Variants in PTPRC observed in about 807,000 individuals in gnomAD.
PTPRC encodes protein tyrosine phosphatase receptor type C.
PTPRC carries 44 observed loss-of-function variants against 155.9 expected under a neutral mutation model. That is an observed-to-expected ratio of 0.28 (90% CI 0.22 to 0.36). PTPRC has a LOEUF of 0.36. Ranked by LOEUF, PTPRC falls within the 10% of genes least tolerant of loss-of-function variation. PTPRC has a pLI of 1.00. For missense variants in PTPRC, 1,401 were observed against 1,564.6 expected (o/e 0.90, Z 1.76); for synonymous variants, 525 against 533.1 (o/e 0.98, Z 0.21).
chr1:198,652,640 A>G, intron 2 of PTPRC, among the ~76,000 whole-genome samples: 1 of 151,512 alleles, frequency 6.6e-6, no homozygotes, highest in Admixed American at 6.6e-5. Context: ...TAGGTAAAAG[A>G]GGAATCAGCA....
chr1:198,659,187 TAAG>T (rs914955204), intron 2 of PTPRC, among the ~76,000 whole-genome samples: 2 of 152,188 alleles, frequency 1.3e-5, no homozygotes, highest in Non-Finnish European at 2.9e-5. Context: ...ACCTGGTCTC[TAAG>T]AAGGAGACAC....
chr1:198,731,591 G>A (rs766996326), intron 17 of PTPRC, 26 bp from the exon 18 acceptor site: 9 of 1,514,430 alleles, frequency 5.9e-6, no homozygotes, highest in Non-Finnish European at 7.3e-6. Flanking sequence ...CATGTAACTA[G>A]TATTGAATCT....
At position 198,734,244 on chromosome 1, in the gene PTPRC, G is replaced by C. The variant is rs769246973; in HGVS notation, c.2179+12G>C. The C allele has an allele frequency of 1.2e-6, 2 of 1,610,780 alleles. No individual in the cohort carries two copies. The highest frequency in any genetic ancestry group is 2.2e-5 in the South Asian group (2 of 90,926). On this transcript the variant is annotated intron_variant, in intron 21 of 32. Transcript: ENST00000442510. ...CATTGCTGCACAAGGTAATTTCTTT[G>C]ATAATCCAATATTCTTTTTGAAAAA...
At chr1:198,701,344 A>G (rs1322894375) in intron 5 of PTPRC, among the ~76,000 whole-genome samples, 1 of 152,226 alleles carries the variant, frequency 6.6e-6, no homozygotes, top group East Asian at 1.9e-4. Context: ...CAGAACGTGC[A>G]TGCATGTATC....
chr1:198,642,709 A>T (rs912134642), intron 2 of PTPRC, among the ~76,000 whole-genome samples: 2 of 151,890 alleles, frequency 1.3e-5, no homozygotes, highest in South Asian at 4.2e-4. Flanking sequence ...TAGTTTTTTT[A>T]ATCAGTCTGA....
chr1:198,731,580 A>G (rs1654388803), intron 17 of PTPRC, 37 bp from the exon 18 acceptor site: 1 of 1,462,938 alleles, frequency 6.8e-7, no homozygotes, highest in Non-Finnish European at 9.6e-7. Context: ...CCTGAAAGAC[A>G]CATGTAACTA....
At chr1:198,748,854 T>G (rs1306299348) in intron 27 of PTPRC, among the ~76,000 whole-genome samples, 1 of 151,776 alleles carries the variant, frequency 6.6e-6, no homozygotes, top group African/African-American at 2.4e-5. Flanking sequence ...CTAGTTAATT[T>G]TCATAGGAGT....
At chr1:198,694,053 A>G (rs2102374944) in intron 3 of PTPRC, 3 of 1,549,336 alleles carry the variant, frequency 1.9e-6, no homozygotes, top group South Asian at 1.2e-5. Flanking sequence ...AAGCCAATCC[A>G]AGTCACCAAA....
chr1:198,687,153 C>G (rs1001074001), intron 2 of PTPRC, among the ~76,000 whole-genome samples: 1 of 152,046 alleles, frequency 6.6e-6, no homozygotes, highest in South Asian at 2.1e-4. Context: ...CCACCCTACC[C>G]GGATAATTTT....
chr1:198,720,332 T>A (rs112690338), intron 14 of PTPRC, among the ~76,000 whole-genome samples: 1,553 of 152,178 alleles, frequency 0.01, 27 homozygotes, highest in African/African-American at 0.036. Context: ...TTTAAAAAAA[T>A]TTTATTATTA....
chr1:198,731,564 T>C, intron 17 of PTPRC, 53 bp from the exon 18 acceptor site: 1 of 1,328,850 alleles, frequency 7.5e-7, no homozygotes. Context: ...GAAATGTGTA[T>C]GCCCACCTGA....
At chr1:198,686,926 A>G (rs1665655490) in intron 2 of PTPRC, among the ~76,000 whole-genome samples, 1 of 152,228 alleles carries the variant, frequency 6.6e-6, no homozygotes, top group South Asian at 2.1e-4. Flanking sequence ...GCACAGTAAT[A>G]TTTAACCATA....
At chr1:198,739,852 T>TAAAA (rs141418006) in intron 23 of PTPRC, among the ~76,000 whole-genome samples, 2,023 of 151,318 alleles carry the variant, frequency 0.013, 40 homozygotes, top group African/African-American at 0.046. Context: ...CTTACAAAAT[T>TAAAA]AAAAAAAAAT....
chr1:198,756,305 A>C lies in PTPRC; in HGVS notation c.*124A>C, dbSNP rs1655658620. On this transcript the variant is annotated 3_prime_UTR_variant, in exon 33 of 33. Transcript: ENST00000442510. Reference sequence around the variant, plus strand: ...AATGCAGCGAACCAATATTTGTAGAAGGGTTATATTTTACTACTGTGGAAA... The same window carrying C: ...AATGCAGCGAACCAATATTTGTAGACGGGTTATATTTTACTACTGTGGAAA... 1 of 1,277,090 alleles carries C rather than the reference A, an allele frequency of 7.8e-7. No homozygotes were observed. Among genetic ancestry groups the C allele is most frequent in the Non-Finnish European group, 1.1e-6 (1 of 911,380 alleles). The allele number at this position is 1,277,090 out of a possible 1,614,324, so 79.1% of individuals were successfully genotyped here. A position where few individuals can be genotyped will look rare whatever the true frequency, so the allele number is the denominator to read the frequency against.
rs1300050742 is a variant in PTPRC, at chr1:198,692,544, A to T, written c.100+171A>T. ...CTTAAACTTTCTGCTTATACGTTATAGAGTTTAATAACTACCTAAACATGT... is the reference window on the plus strand; with the variant it reads ...CTTAAACTTTCTGCTTATACGTTATTGAGTTTAATAACTACCTAAACATGT... On this transcript the variant is annotated intron_variant, in intron 3 of 32. Transcript: ENST00000442510. The T allele has an allele frequency of 3.7e-6, 4 of 1,082,082 alleles. No individual in the cohort carries two copies. In the East Asian group the frequency reaches 1.0e-4, roughly 27 times the overall value. 67.0% of individuals were successfully genotyped at this position (1,082,082 alleles called of 1,614,324 possible).
chr1:198,702,323 T>C, intron 5 of PTPRC, 64 bp from the exon 6 acceptor site: 1 of 1,604,014 alleles, frequency 6.2e-7, no homozygotes, highest in South Asian at 1.1e-5. Context: ...TTATGTTGGC[T>C]ATCTGGCTAT....
At chr1:198,702,200 C>G (rs1666491958) in intron 5 of PTPRC, among the ~76,000 whole-genome samples, 187 bp from the exon 6 acceptor site, 1 of 152,210 alleles carries the variant, frequency 6.6e-6, no homozygotes, top group African/African-American at 2.4e-5. Flanking sequence ...CCCCTAAATG[C>G]ATCTTTCCCA....
intron 29 of PTPRC, among the ~76,000 whole-genome samples, chr1:198,750,841 G>T (rs1437647716): frequency 6.6e-6 from 1 of 151,908 alleles, no homozygotes; most frequent in Non-Finnish European, 1.5e-5. Flanking sequence ...CTCCAGTCTT[G>T]CATGCTGCTC....
intron 14 of PTPRC, among the ~76,000 whole-genome samples, chr1:198,719,904 C>T (rs192292179): frequency 6.6e-6 from 1 of 152,140 alleles, no homozygotes; most frequent in East Asian, 1.9e-4. Context: ...AGCCACCGTG[C>T]CCGGCCCATA....
Sources: allele counts gnomAD v4.1 joint callset (sites outside exome capture counted in the v4.1 genomes callset), GRCh38; gene constraint gnomAD v4.1.1; transcripts MANE v1.5; gene names NCBI Gene and HGNC (gene_info 2026-07-23, HGNC 2026-07-21).